Variants in HEBP1 observed in about 807,000 individuals in gnomAD.
HEBP1 encodes the protein heme binding protein 1, also known as heme-binding protein 1.
A neutral mutation model predicts 20.4 loss-of-function variants in HEBP1; 13 were observed. The ratio of observed to expected loss-of-function variants is 0.64; its 90% CI spans 0.42 to 1.01. The LOEUF (loss-of-function observed/expected upper bound fraction) is 1.01. Ranked by LOEUF, HEBP1 falls within the 50% of genes least tolerant of loss-of-function variation. The pLI, the probability that HEBP1 is intolerant of heterozygous loss-of-function variation, is 0.00. For missense variants in HEBP1, 241 were observed against 247.3 expected (o/e 0.97, Z 0.17); for synonymous variants, 92 against 90.7 (o/e 1.01, Z -0.08).
At chr12:12,988,076 T>C (rs1223341474) in intron 2 of HEBP1, among the ~76,000 whole-genome samples, 3 of 152,188 alleles carry the variant, frequency 2.0e-5, no homozygotes, top group Non-Finnish European at 4.4e-5. Flanking sequence ...CATGATACAA[T>C]ATAATGTAGC....
At chr12:12,988,614 C>T (rs16908576) in intron 2 of HEBP1, among the ~76,000 whole-genome samples, 9,881 of 152,060 alleles carry the variant, frequency 0.065, 532 homozygotes, top group African/African-American at 0.15. Flanking sequence ...TTTTGTTTTG[C>T]AGTGATTCCA....
At chr12:12,997,228 C>T (rs145196503) in intron 1 of HEBP1, among the ~76,000 whole-genome samples, 3 of 152,146 alleles carry the variant, frequency 2.0e-5, no homozygotes, top group African/African-American at 7.2e-5. Flanking sequence ...TCTCCTTATC[C>T]CAGAGGCCCC....
intron 1 of HEBP1, among the ~76,000 whole-genome samples, chr12:12,994,074 G>A (rs1290148800): frequency 6.6e-6 from 1 of 152,236 alleles, no homozygotes; most frequent in African/African-American, 2.4e-5. Flanking sequence ...ATATGATAGG[G>A]ATAATCAGGA....
intron 3 of HEBP1, among the ~76,000 whole-genome samples, chr12:12,978,199 GTTTTTTTTT>G (rs76634642): frequency 1.3e-5 from 1 of 75,054 alleles, no homozygotes; most frequent in Non-Finnish European, 2.5e-5. Flanking sequence ...CTACGAAAGG[GTTTTTTTTT>G]TTTTTTTTTT....
rs141860755 is a variant in HEBP1, at chr12:12,975,599, G to C, written c.399-120C>G. On this transcript the variant is annotated intron_variant, in intron 3 of 3. Transcript: ENST00000014930. ...ACAAGCATGCTAGAGTGGTAAGACTGGGGACTGAGTCACCACTTCCTAGAT... is the reference window on the plus strand; with the variant it reads ...ACAAGCATGCTAGAGTGGTAAGACTCGGGACTGAGTCACCACTTCCTAGAT... The C allele has an allele frequency of 5.6e-4, 447 of 791,828 alleles. 3 individuals carry two copies. In the East Asian group the frequency reaches 0.014, roughly 24 times the overall value. 49.1% of individuals were successfully genotyped at this position (791,828 alleles called of 1,614,324 possible).
intron 3 of HEBP1, chr12:12,983,471 A>G (rs1271959387): frequency 5.4e-5 from 16 of 294,672 alleles, no homozygotes; most frequent in South Asian, 4.0e-4. Flanking sequence ...TCATTTTAGA[A>G]TTAATTTTGT....
At chr12:12,982,161 C>T (rs1358591088) in intron 3 of HEBP1, among the ~76,000 whole-genome samples, 2 of 152,108 alleles carry the variant, frequency 1.3e-5, no homozygotes, top group Non-Finnish European at 2.9e-5. Flanking sequence ...TATATTCTAG[C>T]CAAAGGCCCT....
chr12:12,992,246 C>T (rs1055805902), intron 1 of HEBP1, among the ~76,000 whole-genome samples: 12 of 152,134 alleles, frequency 7.9e-5, no homozygotes, highest in Non-Finnish European at 1.8e-4. Context: ...CTCTGTCACC[C>T]GGGCTGGAGT....
In HEBP1 at chr12:12,986,843, T is replaced by A. The variant is rs538840315; in HGVS notation, c.398+309A>T. The A allele has an allele frequency of 4.7e-4, 111 of 234,312 alleles. No homozygotes were observed. The highest frequency in any genetic ancestry group is 2.3e-3 in the African/African-American group (101 of 44,408). The allele number at this position is 234,312 out of a possible 1,614,324, so 14.5% of individuals were successfully genotyped here. On this transcript the variant is annotated intron_variant, in intron 3 of 3. Coordinates refer to ENST00000014930, the MANE Select transcript of HEBP1 (RefSeq NM_015987.5). This position sits in a 1 kb window ranked among gnomAD's most constrained non-coding sequence, Gnocchi z 4.3. ...CCACGAATCCAGACCATGGCTTGAC[T>A]TAAGATATTTGCTGAGTCTCCTAGA...
chr12:12,976,499 C>G (rs887827481), intron 3 of HEBP1, among the ~76,000 whole-genome samples: 1 of 152,160 alleles, frequency 6.6e-6, no homozygotes, highest in Non-Finnish European at 1.5e-5. Context: ...CTGTATGACT[C>G]AAAAGTCTGA....
chr12:12,988,803 A>C (rs1392981423), intron 2 of HEBP1, among the ~76,000 whole-genome samples: 2 of 152,136 alleles, frequency 1.3e-5, no homozygotes, highest in Admixed American at 1.3e-4. Flanking sequence ...CAGACCCTTC[A>C]TTTGCCAGAC....
At chr12:12,999,753 A>C (rs1864331215) in intron 1 of HEBP1, among the ~76,000 whole-genome samples, 1 of 152,252 alleles carries the variant, frequency 6.6e-6, no homozygotes, top group Admixed American at 6.5e-5. Flanking sequence ...GAAAGAATGC[A>C]TTCAACAGGC....
At chr12:12,995,147 C>T (rs970488192) in intron 1 of HEBP1, among the ~76,000 whole-genome samples, 7 of 152,186 alleles carry the variant, frequency 4.6e-5, no homozygotes, top group African/African-American at 1.7e-4. Context: ...CTGGTGTCTC[C>T]CTATTCATCT....
intron 3 of HEBP1, among the ~76,000 whole-genome samples, chr12:12,976,772 T>C (rs770476018): frequency 7.9e-5 from 12 of 152,140 alleles, no homozygotes; most frequent in Non-Finnish European, 1.8e-4. Flanking sequence ...ATTGAAGAGA[T>C]TATAAGGGAG....
chr12:12,999,787 A>T (rs1284938586), intron 1 of HEBP1, among the ~76,000 whole-genome samples: 1 of 152,210 alleles, frequency 6.6e-6, no homozygotes, highest in African/African-American at 2.4e-5. Flanking sequence ...CCAAGTTGGG[A>T]TTCTCTCCTT....
At chr12:12,981,106 G>A (rs148532396) in intron 3 of HEBP1, among the ~76,000 whole-genome samples, 5 of 152,266 alleles carry the variant, frequency 3.3e-5, no homozygotes, top group African/African-American at 4.8e-5. Context: ...AGATGGAAGG[G>A]AAGGAAGGGA....
intron 3 of HEBP1, among the ~76,000 whole-genome samples, chr12:12,981,083 T>C (rs1039449846): frequency 1.3e-5 from 2 of 152,072 alleles, no homozygotes; most frequent in African/African-American, 4.8e-5. Flanking sequence ...CAAGAGATGA[T>C]GAAGACCTGT....
chr12:12,987,948 C>T (rs1164596645), intron 2 of HEBP1, among the ~76,000 whole-genome samples: 1 of 152,084 alleles, frequency 6.6e-6, no homozygotes, highest in Non-Finnish European at 1.5e-5. Flanking sequence ...TATTTAATTA[C>T]TGCCTATTTA....
intron 1 of HEBP1, among the ~76,000 whole-genome samples, chr12:12,993,489 CTCTCTCTCTCTCT>C (rs1864253146): frequency 7.5e-5 from 1 of 13,292 alleles, no homozygotes; most frequent in Non-Finnish European, 3.4e-4. Flanking sequence ...TTCTTTTCCT[CTCTCTCTCTCTCT>C]CTCTCTCTCT....
Sources: allele counts gnomAD v4.1 joint callset (sites outside exome capture counted in the v4.1 genomes callset), GRCh38; gene constraint gnomAD v4.1.1; non-coding constraint Gnocchi (gnomAD v3.1); transcripts MANE v1.5; gene names NCBI Gene and HGNC (gene_info 2026-07-23, HGNC 2026-07-21).